NBPF12: variants seen among roughly 807,000 people sequenced by gnomAD.
The protein encoded by NBPF12 is NBPF member 12, also known as NBPF family member NBPF12.
In NBPF12, 115 loss-of-function variants were observed where a neutral mutation model predicts 146.4. That is an observed-to-expected ratio of 0.79 (90% CI 0.68 to 0.92). NBPF12 has a LOEUF of 0.92. Ranked by LOEUF, NBPF12 falls within the 40% of genes least tolerant of loss-of-function variation. NBPF12 has a pLI of 0.00. For missense variants in NBPF12, 1,205 were observed against 1,326.8 expected (o/e 0.91, Z 1.43); for synonymous variants, 385 against 508.9 (o/e 0.76, Z 3.28).
chr1:146,966,604 A>G, exon 9 of NBPF12: 1 of 1,498,398 alleles, frequency 6.7e-7, no homozygotes, highest in Non-Finnish European at 9.3e-7. Flanking sequence ...ACAGCAGTTC[A>G]GAAGCCTCAA....
rs1269436037 is a variant in NBPF12 at position 146,969,670 on chromosome 1, A to G, written c.1306+74A>G. ...GGCTCCAGACCTCCATACTTTCACA[A>G]TGACAGTTGTATCAGTGGGGTTTTT... On this transcript the variant is annotated intron_variant, in intron 11 of 33. Transcript: ENST00000617844. 2.7e-5 allele frequency: 41 copies of G among 1,519,772 alleles called. 1 individual carries two copies. The highest frequency in any genetic ancestry group is 3.6e-5 in the Non-Finnish European group (40 of 1,100,202). The allele number at this position is 1,519,772 out of a possible 1,614,324, so 94.1% of individuals were successfully genotyped here.
intron 1 of NBPF12, among the ~76,000 whole-genome samples, chr1:146,940,051 C>T (rs1406796108): frequency 2.0e-5 from 3 of 151,496 alleles, no homozygotes; most frequent in South Asian, 2.1e-4. Context: ...TTCATCCTTT[C>T]TTTGCCGAAA....
At position 146,971,364 on chromosome 1, in the gene NBPF12, G is replaced by A. The variant is rs1553886430; in HGVS notation, c.1561G>A (p.Glu521Lys). 1.6e-4 allele frequency: 252 copies of A among 1,611,380 alleles called. 2 individuals are homozygous for A. Among genetic ancestry groups the A allele is most frequent in the Non-Finnish European group, 1.8e-4 (216 of 1,179,302 alleles). ...TGTAGACAGAGAATCCTCTCATGAT[G>A]AATGTCAGGATGCTCTAAACATTCT... Residue 521 changes from glutamate (E) to lysine (K), a missense_variant, in exon 13 of 34, where the codon GAA becomes AAA. Transcript: ENST00000617844.
intron 11 of NBPF12, 59 bp downstream of exon 14, chr1:146,969,655 C>G: frequency 2.6e-6 from 4 of 1,541,294 alleles, no homozygotes; most frequent in Non-Finnish European, 3.6e-6. Context: ...GGCTCCAGAC[C>G]TCCATACTTT....
In NBPF12 at chr1:146,950,614, C is replaced by T. The variant is rs1278110857; in HGVS notation, c.-325-734C>T. 8.6e-4 allele frequency among the ~76,000 whole-genome samples: 131 copies of T among 152,154 alleles called. 1 individual carries two copies. Among genetic ancestry groups the T allele is most frequent in the African/African-American group, 3.0e-3 (124 of 41,466 alleles). On this transcript the variant is annotated intron_variant, in intron 1 of 33. Coordinates refer to ENST00000617844, the Ensembl canonical transcript of NBPF12. ...GAAACCATTATTATTTATCATTTTT[C>T]TCACACTCTTTTGCGTATGGCTCCT...
At chr1:146,960,067 C>G in intron 3 of NBPF12, 42 bp from the exon 7 acceptor site, 1 of 497,888 alleles carries the variant, frequency 2.0e-6, no homozygotes, top group Non-Finnish European at 3.4e-6. Context: ...TTTGATTTCA[C>G]CAGTTTTTAA....
At chr1:146,971,493 C>G in intron 13 of NBPF12, 99 bp downstream of exon 16, 1 of 947,004 alleles carries the variant, frequency 1.1e-6, no homozygotes. Context: ...TTGTTTTAGT[C>G]AGAAACTAGG....
chr1:146,938,532 C>T (rs1382242555), upstream of NBPF12, among the ~76,000 whole-genome samples: 2 of 152,138 alleles, frequency 1.3e-5, no homozygotes, highest in Admixed American at 6.5e-5. Flanking sequence ...GTCCCCGCTG[C>T]GCTCCGTCCT....
At chr1:146,970,148 G>A (rs1338374989) in intron 11 of NBPF12, among the ~76,000 whole-genome samples, 1 of 150,774 alleles carries the variant, frequency 6.6e-6, no homozygotes, top group African/African-American at 2.5e-5. Flanking sequence ...TTTGGTGGTA[G>A]GAAGTGCTTC....
chr1:146,948,531 A>G (rs1655174870), upstream of NBPF12, among the ~76,000 whole-genome samples: 2 of 151,750 alleles, frequency 1.3e-5, no homozygotes, highest in Non-Finnish European at 2.9e-5. Context: ...TTGTTAAACA[A>G]ATGCTTGAAG....
intron 10 of NBPF12, among the ~76,000 whole-genome samples, chr1:146,969,035 C>T (rs1263185185): frequency 1.3e-5 from 2 of 151,482 alleles, no homozygotes; most frequent in South Asian, 2.1e-4. Context: ...GTCTAGTGGC[C>T]GCAAGATGCA....
At chr1:146,967,285 G>T (rs1228854126) in intron 9 of NBPF12, among the ~76,000 whole-genome samples, 1 of 150,754 alleles carries the variant, frequency 6.6e-6, no homozygotes. Context: ...AGTAGAGCAC[G>T]AGGTCAGGAG....
exon 34 of NBPF12, chr1:146,995,961 G>A (rs1428256244): frequency 6.7e-6 from 1 of 150,188 alleles, no homozygotes; most frequent in Non-Finnish European, 1.5e-5. Flanking sequence ...CAAATTTTGG[G>A]TCTCAATTTT....
At chr1:146,957,963 G>A (rs1268997784) in intron 2 of NBPF12, among the ~76,000 whole-genome samples, 1 of 104,918 alleles carries the variant, frequency 9.5e-6, no homozygotes, top group Admixed American at 1.2e-4. Flanking sequence ...TTATATATAC[G>A]TGTATACATG....
upstream of NBPF12, among the ~76,000 whole-genome samples, chr1:146,946,355 G>A (rs1445308157): frequency 6.6e-5 from 10 of 151,092 alleles, no homozygotes; most frequent in African/African-American, 2.5e-4. Flanking sequence ...ACAGCATTTG[G>A]TGTGTTCACC....
intron 18 of NBPF12, among the ~76,000 whole-genome samples, chr1:146,978,260 A>ATTTTTTTTTTTTTTTTTT (rs1187524068): frequency 1.2e-5 from 1 of 83,888 alleles, no homozygotes. Flanking sequence ...AGCGTCGTAG[A>ATTTTTTTTTTTTTTTTTT]TTTTTTTTTT....
chr1:146,972,960 A>T lies in NBPF12; in HGVS notation c.1801A>T (p.Lys601Ter). The stretch of plus-strand genomic sequence containing the variant: ...CCTGGCCAAGCAGCAGAACAAATAC[A>T]GTAAGATCTATATGCTCACCATCAT... Residue 601 changes from lysine (K) to a stop codon, truncating the protein, a stop_gained and splice_region_variant, in exon 14 of 34, where the codon AAA becomes TAA. Coordinates refer to ENST00000617844, the Ensembl canonical transcript of NBPF12. LOFTEE classifies it high-confidence loss of function. 2.2e-6 allele frequency: 2 copies of T among 915,166 alleles called. No homozygotes were observed. The highest frequency in any genetic ancestry group is 3.7e-6 in the Non-Finnish European group (2 of 543,744). 56.7% of individuals were successfully genotyped at this position (915,166 alleles called of 1,614,324 possible). A position where few individuals can be genotyped will look rare whatever the true frequency, so the allele number is the denominator to read the frequency against.
chr1:146,944,427 G>C (rs1402316748), upstream of NBPF12, among the ~76,000 whole-genome samples: 2 of 146,572 alleles, frequency 1.4e-5, no homozygotes, highest in African/African-American at 4.9e-5. Context: ...AGTCCAGTGA[G>C]AATGACAAAT....
chr1:146,967,139 G>A (rs1311677129), intron 9 of NBPF12, among the ~76,000 whole-genome samples: 4 of 150,576 alleles, frequency 2.7e-5, no homozygotes, highest in Admixed American at 6.6e-5. Flanking sequence ...GCCAGTACCC[G>A]CTCTGAGGGG....
Sources: gnomAD v4.1 joint callset for allele counts (sites outside exome capture counted in the v4.1 genomes callset) on GRCh38, gnomAD v4.1.1 for gene constraint, MANE v1.5 for transcripts, NCBI Gene and HGNC (gene_info 2026-07-23, HGNC 2026-07-21) for gene names.